The following FGF13 variants were observed in gnomAD, a reference collection of about 807,000 sequenced individuals.
FGF13 encodes the protein fibroblast growth factor 13, also known as fibroblast growth factor homologous factor 2.
In FGF13, 2 loss-of-function variants were observed where a neutral mutation model predicts 19.5. The ratio of observed to expected loss-of-function variants is 0.10; its 90% CI spans 0.04 to 0.32. FGF13 has a LOEUF of 0.32. FGF13 is among the 10% of genes least tolerant of loss of function. The pLI is 1.00. For synonymous variants in FGF13, 72 were observed against 76.9 expected (o/e 0.94, Z 0.33); for missense variants, 113 against 192.7 (o/e 0.59, Z 2.45).
intron 1 of FGF13, among the ~76,000 whole-genome samples, chrX:139,005,016 G>A (rs1008010093): frequency 8.9e-6 from 1 of 112,069 alleles, no homozygotes; most frequent in Non-Finnish European, 1.9e-5. Context: ...AGGGAAGGAC[G>A]CAAGCCTGGC....
At chrX:138,723,368 G>A (rs2090160654) in intron 1 of FGF13, among the ~76,000 whole-genome samples, 1 of 111,872 alleles carries the variant, frequency 8.9e-6, no homozygotes, top group South Asian at 3.7e-4. Flanking sequence ...GGTCATTGCA[G>A]TAATTTCTAT....
At chrX:138,675,396 G>T (rs955143556) in intron 3 of FGF13, among the ~76,000 whole-genome samples, 1 of 111,812 alleles carries the variant, frequency 8.9e-6, no homozygotes, top group African/African-American at 3.2e-5. Context: ...ATGGAATCTA[G>T]ATCTTTGACA....
chrX:138,640,933 T>G (rs1213132400), intron 3 of FGF13, among the ~76,000 whole-genome samples: 14 of 111,682 alleles, frequency 1.3e-4, no homozygotes. Flanking sequence ...TGTTTCCCTT[T>G]AACACATTTC....
intron 3 of FGF13, among the ~76,000 whole-genome samples, chrX:138,839,997 G>C (rs1358348208): frequency 9.0e-6 from 1 of 111,554 alleles, no homozygotes; most frequent in East Asian, 2.8e-4. Flanking sequence ...GTGATATCTG[G>C]CCCAGATTGC....
chrX:139,043,872 G>A (rs991185937), intron 1 of FGF13, among the ~76,000 whole-genome samples: 2 of 111,986 alleles, frequency 1.8e-5, no homozygotes, highest in African/African-American at 6.5e-5. Flanking sequence ...GACACACAAG[G>A]CAACGTATTA....
intron 1 of FGF13, among the ~76,000 whole-genome samples, chrX:139,036,671 G>A (rs866407604): frequency 3.6e-5 from 4 of 111,016 alleles, no homozygotes; most frequent in Non-Finnish European, 7.6e-5. Flanking sequence ...AGACATACCC[G>A]AGACTGGGCA....
chrX:138,654,094 T>G (rs192656348), intron 3 of FGF13, among the ~76,000 whole-genome samples: 1 of 111,796 alleles, frequency 8.9e-6, no homozygotes. Flanking sequence ...TTAGTAACTT[T>G]GGGCAAGTAA....
Position 138,702,843 on chromosome X carries a change from C to T in FGF13, c.402+141G>A, listed in dbSNP as rs2089960399. 4 of 456,036 alleles carry T rather than the reference C, an allele frequency of 8.8e-6. No individual in the cohort carries two copies. In the South Asian group the frequency reaches 1.1e-4, roughly 13 times the overall value. The allele number at this position is 456,036 out of a possible 1,213,427, so 37.6% of individuals were successfully genotyped here. On this transcript the variant is annotated intron_variant, in intron 3 of 4. Transcript: ENST00000315930. ...GATATATTTTTCACAGAAAGTTAAT[C>T]TGTCCTTTCAATGAAATATTTCCAT...
intron 1 of FGF13, among the ~76,000 whole-genome samples, chrX:139,155,494 C>T (rs951220138): frequency 8.9e-6 from 1 of 111,838 alleles, no homozygotes; most frequent in African/African-American, 3.3e-5. Context: ...AAAGAAATCC[C>T]CCAACACTCA....
intron 1 of FGF13, among the ~76,000 whole-genome samples, chrX:138,875,640 A>T (rs1250584806): frequency 9.0e-6 from 1 of 111,374 alleles, no homozygotes; most frequent in Non-Finnish European, 1.9e-5. Context: ...TACTCTCCAT[A>T]ATGTGGGTGG....
At chrX:138,755,023 G>T (rs1023461) in intron 3 of FGF13, among the ~76,000 whole-genome samples, 2,518 of 111,770 alleles carry the variant, frequency 0.023, 72 homozygotes, top group African/African-American at 0.073. Flanking sequence ...ATCTTAGCCA[G>T]GAGCATGACT....
intron 1 of FGF13, among the ~76,000 whole-genome samples, chrX:139,162,689 T>G (rs2084045214): frequency 9.0e-6 from 1 of 111,584 alleles, no homozygotes; most frequent in South Asian, 3.8e-4. Context: ...TTAAATAAAT[T>G]TACAAGATAA....
chrX:139,054,932 G>GTATTGTATTGTAT (rs199715922), intron 1 of FGF13, among the ~76,000 whole-genome samples: 16 of 107,249 alleles, frequency 1.5e-4, no homozygotes, highest in Admixed American at 4.9e-4. Flanking sequence ...GTATTGTATT[G>GTATTGTATTGTAT]TATTTTGCAG....
chrX:138,634,945 A>AG (rs910679220), intron 4 of FGF13, among the ~76,000 whole-genome samples: 1 of 112,465 alleles, frequency 8.9e-6, no homozygotes, highest in African/African-American at 3.2e-5. Flanking sequence ...CTGCACAGGT[A>AG]TGTTTATAGC....
intron 1 of FGF13, among the ~76,000 whole-genome samples, chrX:139,118,991 T>A (rs762177461): frequency 9.0e-6 from 1 of 111,191 alleles, no homozygotes; most frequent in Non-Finnish European, 1.9e-5. Flanking sequence ...AGACCCCATC[T>A]TTACAAAACA....
At chrX:138,825,768 C>T (rs950554578) in intron 3 of FGF13, among the ~76,000 whole-genome samples, 10 of 111,919 alleles carry the variant, frequency 8.9e-5, no homozygotes, top group Admixed American at 6.6e-4. Context: ...AATAGGCAGC[C>T]TCACTCTTAG....
chrX:138,837,984 ATGT>A (rs1183633503), intron 3 of FGF13, among the ~76,000 whole-genome samples: 2 of 111,906 alleles, frequency 1.8e-5, no homozygotes, highest in Non-Finnish European at 3.8e-5. Flanking sequence ...CAGCCTGGCC[ATGT>A]TTTGATAAGC....
At chrX:139,007,383 C>T (rs1383462479) in intron 1 of FGF13, among the ~76,000 whole-genome samples, 2 of 110,428 alleles carry the variant, frequency 1.8e-5, no homozygotes, top group African/African-American at 6.6e-5. Context: ...GAGACAGACC[C>T]CAATACAATA....
chrX:139,104,734 C>CTCA lies in FGF13; in HGVS notation c.-113+98679_-113+98681dup, dbSNP rs201762285. Among the ~76,000 whole-genome samples, 900 of 111,033 alleles carry CTCA rather than the reference C, an allele frequency of 8.1e-3. 10 individuals are homozygous for CTCA. Among genetic ancestry groups the CTCA allele is most frequent in the African/African-American group, 0.028 (851 of 30,476 alleles). On this transcript the variant is annotated intron_variant, in intron 1 of 2. Coordinates refer to the FGF13 transcript ENST00000421460. ...AAAACAAACAACTACCCCTTGTAAC[C>CTCA]TCACATGAAGGAAAGGCAGGGAGCT...
Sources: allele counts gnomAD v4.1 joint callset (sites outside exome capture counted in the v4.1 genomes callset), GRCh38; gene constraint gnomAD v4.1.1; transcripts MANE v1.5; gene names NCBI Gene and HGNC (gene_info 2026-07-23, HGNC 2026-07-21).